TUSC3: variants seen among roughly 807,000 people sequenced by gnomAD.
The protein encoded by TUSC3 is dolichyl-diphosphooligosaccharide--protein glycosyltransferase subunit TUSC3.
Under a neutral mutation model 44.8 loss-of-function variants are expected in TUSC3, and 45 were observed. The observed-to-expected ratio is 1.00, with a 90% CI of 0.79 to 1.29. The LOEUF (loss-of-function observed/expected upper bound fraction) is 1.29. Ranked by LOEUF, TUSC3 falls within the 50% of genes most tolerant of loss-of-function variation. The probability of loss-of-function intolerance (pLI) is 0.00; values close to 1 mark genes in which losing one functional copy is unlikely to be tolerated. For synonymous variants in TUSC3, 212 were observed against 152.9 expected (o/e 1.39, Z -2.85); for missense variants, 519 against 437.9 (o/e 1.19, Z -1.65).
At chr8:15,707,102 A>G (rs1394530514) in intron 6 of TUSC3, among the ~76,000 whole-genome samples, 3 of 151,998 alleles carry the variant, frequency 2.0e-5, no homozygotes, top group Non-Finnish European at 4.4e-5. Flanking sequence ...TTAGTAGTTT[A>G]CTAAAAGTCT....
At chr8:15,467,319 C>T (rs1287468660) in intron 1 of TUSC3, among the ~76,000 whole-genome samples, 1 of 148,562 alleles carries the variant, frequency 6.7e-6, no homozygotes, top group Non-Finnish European at 1.5e-5. Context: ...TTTTCTCTAT[C>T]TTCTCTCACA....
At chr8:15,564,656 A>G (rs974658305) in intron 1 of TUSC3, among the ~76,000 whole-genome samples, 1 of 152,144 alleles carries the variant, frequency 6.6e-6, no homozygotes, top group African/African-American at 2.4e-5. Flanking sequence ...TCTTCTTCAC[A>G]GACACAAGCT....
intron 1 of TUSC3, among the ~76,000 whole-genome samples, chr8:15,475,124 A>C (rs1800558192): frequency 6.6e-6 from 1 of 152,178 alleles, no homozygotes; most frequent in Non-Finnish European, 1.5e-5. Context: ...ATTATTGAGC[A>C]GTTATTATGC....
chr8:15,443,513 C>T (rs1800050180), intron 1 of TUSC3, among the ~76,000 whole-genome samples: 3 of 152,084 alleles, frequency 2.0e-5, no homozygotes, highest in African/African-American at 7.2e-5. Context: ...ATGACTGAGA[C>T]AGTGAAAGAG....
At chr8:15,504,163 G>A (rs1312475946) in intron 2 of TUSC3, among the ~76,000 whole-genome samples, 2 of 152,020 alleles carry the variant, frequency 1.3e-5, no homozygotes, top group South Asian at 2.1e-4. Flanking sequence ...AATAGTGTAG[G>A]CCTCAGAGCC....
chr8:15,650,320 A>G (rs1806833879), intron 2 of TUSC3, among the ~76,000 whole-genome samples: 2 of 152,234 alleles, frequency 1.3e-5, no homozygotes, highest in Admixed American at 1.3e-4. Context: ...TTATGTGTAT[A>G]GGGAATGCTG....
At chr8:15,597,556 G>T (rs1347862173) in intron 1 of TUSC3, among the ~76,000 whole-genome samples, 1 of 151,980 alleles carries the variant, frequency 6.6e-6, no homozygotes, top group Non-Finnish European at 1.5e-5. Flanking sequence ...AGAGAATCAA[G>T]CCTATAAAAT....
At chr8:15,658,117 G>A (rs1293282137) in intron 3 of TUSC3, among the ~76,000 whole-genome samples, 2 of 152,114 alleles carry the variant, frequency 1.3e-5, no homozygotes, top group African/African-American at 2.4e-5. Flanking sequence ...TTTTGGCGGG[G>A]ACAAACATTC....
At chr8:15,763,438 A>G (rs1812233133) in intron 10 of TUSC3, among the ~76,000 whole-genome samples, 1 of 151,556 alleles carries the variant, frequency 6.6e-6, no homozygotes, top group African/African-American at 2.4e-5. Flanking sequence ...AGAACTATTA[A>G]TTTCATTTTT....
At chr8:15,795,149 G>C in the TUSC3 span, among the ~76,000 whole-genome samples, 1 of 152,106 alleles carries the variant, frequency 6.6e-6, no homozygotes, top group Non-Finnish European at 1.5e-5. Context: ...CATGGCTCCT[G>C]GGATCCCAGG....
At position 15,512,872 on chromosome 8, in the gene TUSC3, G is replaced by GTGTATATATATATATATATA. The variant is rs761482107; in HGVS notation, n.189+29390_189+29391insGTATATATATATATATATAT. On this transcript the variant is annotated intron_variant and non_coding_transcript_variant, in intron 2 of 5. Transcript: ENST00000503191. Reference sequence around the variant, plus strand: ...TGTGTGTGTGTATATATATGTGTGTGTATATATATATATACACACAATTCT... The same window carrying GTGTATATATATATATATATA: ...TGTGTGTGTGTATATATATGTGTGTGTGTATATATATATATATATATATATATATATATACACACAATTCT... 7.9e-4 allele frequency among the ~76,000 whole-genome samples: 105 copies of GTGTATATATATATATATATA among 132,276 alleles called. 1 individual carries two copies. The highest frequency in any genetic ancestry group is 4.0e-3 in the Middle Eastern group (1 of 252). The allele number at this position is 132,276 out of a possible 152,430, so 86.8% of individuals were successfully genotyped here. A position where few individuals can be genotyped will look rare whatever the true frequency, so the allele number is the denominator to read the frequency against.
rs979635702 is a variant in TUSC3, at chr8:15,582,181, C to T, written c.139-40899C>T. ...CCTGCTTCGGCTCGCGCATGGTGCG[C>T]GCACCCACTGGCCTGCGCCCACTGT... is the stretch of plus-strand genomic sequence containing the variant. On this transcript the variant is annotated intron_variant, in intron 1 of 10. Transcript: ENST00000503731. Among the ~76,000 whole-genome samples, 16 of 152,308 alleles carry T rather than the reference C, an allele frequency of 1.1e-4. No individual in the cohort carries two copies. In the South Asian group the frequency reaches 1.7e-3, roughly 16 times the overall value.
chr8:15,670,504 A>G (rs1807900389), intron 5 of TUSC3, among the ~76,000 whole-genome samples: 1 of 151,852 alleles, frequency 6.6e-6, no homozygotes, highest in African/African-American at 2.4e-5. Flanking sequence ...TGGGAAAAAG[A>G]TGAATTTCAA....
chr8:15,666,838 G>T (rs1424256667), intron 5 of TUSC3, among the ~76,000 whole-genome samples: 1 of 151,272 alleles, frequency 6.6e-6, no homozygotes, highest in Non-Finnish European at 1.5e-5. Context: ...TTGCAAACAG[G>T]TATTTCTATG....
At chr8:15,418,645 G>A (rs1327173447) in intron 1 of TUSC3, among the ~76,000 whole-genome samples, 1 of 152,180 alleles carries the variant, frequency 6.6e-6, no homozygotes, top group East Asian at 1.9e-4. Flanking sequence ...AGATGAAATT[G>A]AAGTCAACAA....
At chr8:15,803,181 C>A in the TUSC3 span, among the ~76,000 whole-genome samples, 1 of 150,980 alleles carries the variant, frequency 6.6e-6, no homozygotes, top group Non-Finnish European at 1.5e-5. Context: ...TTCCAAATTG[C>A]CTAAAACGTG....
chr8:15,759,210 C>T (rs1470435256), intron 10 of TUSC3, among the ~76,000 whole-genome samples: 2 of 152,094 alleles, frequency 1.3e-5, no homozygotes, highest in Admixed American at 6.6e-5. Context: ...TTCCCGTTTG[C>T]ACCTTTTTTG....
At chr8:15,643,322 G>A (rs994542049) in intron 2 of TUSC3, among the ~76,000 whole-genome samples, 2 of 151,886 alleles carry the variant, frequency 1.3e-5, no homozygotes, top group Admixed American at 6.6e-5. Flanking sequence ...CTTGTTAAAC[G>A]AACAATGCGT....
intron 3 of TUSC3, among the ~76,000 whole-genome samples, chr8:15,659,196 C>CT (rs1346720306): frequency 1.3e-5 from 2 of 151,926 alleles, no homozygotes; most frequent in South Asian, 2.1e-4. Flanking sequence ...CTTTCAGTCA[C>CT]TTTTTTTTAC....
Sources: allele counts gnomAD v4.1 joint callset (sites outside exome capture counted in the v4.1 genomes callset), GRCh38; gene constraint gnomAD v4.1.1; transcripts MANE v1.5; gene names NCBI Gene and HGNC (gene_info 2026-07-23, HGNC 2026-07-21).